The following DNAJC13 variants were observed in gnomAD, a reference collection of about 807,000 sequenced individuals.
DNAJC13 encodes the protein dnaJ homolog subfamily C member 13.
In DNAJC13, 75 loss-of-function variants were observed where a neutral mutation model predicts 290.5. That is an observed-to-expected ratio of 0.26 (90% CI 0.21 to 0.31). DNAJC13 has a LOEUF of 0.31. Ranked by LOEUF, DNAJC13 falls within the 10% of genes least tolerant of loss-of-function variation. The pLI, the probability that DNAJC13 is intolerant of heterozygous loss-of-function variation, is 1.00. For synonymous variants in DNAJC13, 862 were observed against 892.0 expected, an observed-to-expected ratio of 0.97 and a Z score of 0.60; for missense variants, 2,260 against 2,674.5, an observed-to-expected ratio of 0.85 and a Z score of 3.42.
Position 132,528,319 on chromosome 3 carries a change from A to G in DNAJC13, c.6512A>G (p.Gln2171Arg), listed in dbSNP as rs908046357. 6 of 1,614,086 alleles carry G rather than the reference A, an allele frequency of 3.7e-6. No individual in the cohort carries two copies. The highest frequency in any genetic ancestry group is 4.2e-6 in the Non-Finnish European group (5 of 1,180,014). Residue 2171 changes from glutamine to arginine, a missense_variant, in exon 54 of 56, where the codon CAG becomes CGG. By Grantham distance (43) the Gln-to-Arg change is conservative (BLOSUM62 1). Around this residue, in one of 3 missense-constraint regions of DNAJC13, gnomAD observed 1,494 missense variants for 1,693.7 expected, o/e 0.88. Transcript: ENST00000260818. ...CTCAAGGCAATGACTCGAAGTTTGCAGTATGGAGAACAGGTGAGTCTGCAT... is the reference window on the plus strand; with the variant it reads ...CTCAAGGCAATGACTCGAAGTTTGCGGTATGGAGAACAGGTGAGTCTGCAT... ...KALKAMTRSL[Q>R]YGEQVNEILC...
intron 48 of DNAJC13, among the ~76,000 whole-genome samples, chr3:132,522,007 A>AT (rs1398324106): frequency 6.6e-6 from 1 of 152,176 alleles, no homozygotes; most frequent in Non-Finnish European, 1.5e-5. Context: ...AATTTGTAGT[A>AT]TATCTCTGGC....
chr3:132,515,300 A>G (rs965177470), intron 46 of DNAJC13, among the ~76,000 whole-genome samples: 4 of 152,158 alleles, frequency 2.6e-5, no homozygotes, highest in African/African-American at 9.6e-5. Flanking sequence ...GGCTTTGCCA[A>G]TCCCTTTGAA....
intron 2 of DNAJC13, among the ~76,000 whole-genome samples, chr3:132,438,419 A>G (rs182194826): frequency 1.8e-4 from 27 of 152,354 alleles, no homozygotes; most frequent in Admixed American, 1.2e-3. Flanking sequence ...TAAATGGCCA[A>G]CATTAAAATT....
chr3:132,477,979 A>G lies in DNAJC13; in HGVS notation c.2550-2A>G. The G allele has an allele frequency of 6.3e-7, 1 of 1,595,590 alleles. No homozygotes were observed. Among genetic ancestry groups the G allele is most frequent in the Non-Finnish European group, 8.5e-7 (1 of 1,175,250 alleles). ...TTGTGAACTTTTTTTTTTAAAATCTAGGTATGAATTTTTCAATGAGCTTTA... is the reference window on the plus strand; with the variant it reads ...TTGTGAACTTTTTTTTTTAAAATCTGGGTATGAATTTTTCAATGAGCTTTA... On this transcript the variant is annotated splice_acceptor_variant, in intron 23 of 55. Transcript: ENST00000260818. LOFTEE classifies it high-confidence loss of function.
intron 47 of DNAJC13, 39 bp from the exon 48 acceptor site, chr3:132,516,665 A>G (rs778749006): frequency 3.2e-6 from 5 of 1,571,780 alleles, no homozygotes; most frequent in Non-Finnish European, 4.3e-6. Context: ...TAGAAAAGTC[A>G]AATTCTTTAT....
chr3:132,456,900 C>A, intron 12 of DNAJC13, 68 bp downstream of exon 12: 1 of 1,507,100 alleles, frequency 6.6e-7, no homozygotes, highest in Non-Finnish European at 9.1e-7. Context: ...AAATAATGAA[C>A]GATTCACCTC....
intron 20 of DNAJC13, among the ~76,000 whole-genome samples, chr3:132,471,212 C>T (rs1207860985): frequency 7.4e-6 from 1 of 135,372 alleles, no homozygotes; most frequent in Non-Finnish European, 1.6e-5. Flanking sequence ...CACCCCTCAC[C>T]TCCCGGACGG....
At chr3:132,444,535 A>G (rs372486659) in intron 2 of DNAJC13, among the ~76,000 whole-genome samples, 18 of 152,350 alleles carry the variant, frequency 1.2e-4, no homozygotes, top group East Asian at 3.8e-4. Flanking sequence ...CATTTGGAAC[A>G]TTTCAGGCAT....
chr3:132,533,801 A>C (rs543161984), intron 55 of DNAJC13, among the ~76,000 whole-genome samples: 1 of 152,354 alleles, frequency 6.6e-6, no homozygotes, highest in South Asian at 2.1e-4. Context: ...TAAAAAACAT[A>C]TGTCCTTGAC....
chr3:132,496,609 A>G lies in DNAJC13; in HGVS notation c.4102A>G (p.Asn1368Asp). 6.2e-7 allele frequency: 1 copy of G among 1,611,306 alleles called. No homozygotes were observed. Among genetic ancestry groups the G allele is most frequent in the South Asian group, 1.1e-5 (1 of 90,506 alleles). ...AATAGTGGATGGGCCAGATCCAGAG[A>G]ATATAATTTTAATTCTAAAAACACA... ...AKIVDGPDPE[N>D]IILILKTQSI... The change falls in exon 36 of 56, where the codon AAT becomes GAT. Residue 1368 changes from asparagine to aspartate, a missense_variant. Coordinates refer to ENST00000260818, the MANE Select transcript of DNAJC13 (RefSeq NM_015268.4).
chr3:132,514,797 A>C, intron 46 of DNAJC13, 127 bp downstream of exon 46: 1 of 687,408 alleles, frequency 1.5e-6, no homozygotes, highest in Non-Finnish European at 2.5e-6. Flanking sequence ...TATTTACACT[A>C]GATTTGTCTT....
chr3:132,482,029 A>T (rs981808540), intron 26 of DNAJC13, among the ~76,000 whole-genome samples, 197 bp from the exon 27 acceptor site: 6 of 152,214 alleles, frequency 3.9e-5, no homozygotes, highest in Non-Finnish European at 7.3e-5. Context: ...ATTAATAAGG[A>T]AATAGTTTTT....
At chr3:132,432,097 C>G (rs1939254063) in intron 1 of DNAJC13, among the ~76,000 whole-genome samples, 1 of 152,094 alleles carries the variant, frequency 6.6e-6, no homozygotes, top group Non-Finnish European at 1.5e-5. Context: ...ACTTAGTATT[C>G]ACAGTATAAA....
At chr3:132,520,999 T>C (rs1936073075) in intron 48 of DNAJC13, among the ~76,000 whole-genome samples, 1 of 152,236 alleles carries the variant, frequency 6.6e-6, no homozygotes, top group African/African-American at 2.4e-5. Context: ...ATGAAATCTG[T>C]TAAGACATAT....
intron 42 of DNAJC13, 59 bp from the exon 43 acceptor site, chr3:132,507,178 A>T (rs1935620658): frequency 1.8e-6 from 2 of 1,113,814 alleles, no homozygotes; most frequent in African/African-American, 3.1e-5. Context: ...CTGTTAAGTT[A>T]TTAAACTGAA....
chr3:132,464,264 T>A (rs969544515), intron 17 of DNAJC13, among the ~76,000 whole-genome samples: 10 of 152,244 alleles, frequency 6.6e-5, no homozygotes, highest in African/African-American at 2.4e-4. Context: ...CAGCCTAAGC[T>A]AGACTTAACC....
In DNAJC13 at chr3:132,461,053, C is replaced by G. The variant is rs1450115096; in HGVS notation, c.1561C>G (p.His521Asp). The stretch of plus-strand genomic sequence containing the variant: ...AGAATCTGTTGCATTGTTTCAGGAT[C>G]ATGGGACTGGTGCCCTAGTTATTAG... ...LLEKFNSHVD[H>D]GTGALVISSL... The change falls in exon 15 of 56, where the codon CAT becomes GAT. Residue 521 changes from histidine (H) to aspartate (D), a missense_variant. Around this residue, in one of 3 missense-constraint regions of DNAJC13, gnomAD observed 762 missense variants for 964.1 expected, o/e 0.79. Coordinates refer to ENST00000260818, the MANE Select transcript of DNAJC13 (RefSeq NM_015268.4). 9 of 1,613,638 alleles carry G rather than the reference C, an allele frequency of 5.6e-6. No homozygotes were observed. Among genetic ancestry groups the G allele is most frequent in the Middle Eastern group, 1.6e-4 (1 of 6,080 alleles).
chr3:132,512,016 C>T (rs1001116884), intron 44 of DNAJC13, among the ~76,000 whole-genome samples: 5 of 152,030 alleles, frequency 3.3e-5, no homozygotes, highest in Admixed American at 1.3e-4. Flanking sequence ...GGGAAAATTA[C>T]GCATTTACAA....
chr3:132,515,073 G>T (rs6803778), intron 46 of DNAJC13, among the ~76,000 whole-genome samples: 76,205 of 151,996 alleles, frequency 0.5, 22,408 homozygotes, highest in African/African-American at 0.8. Flanking sequence ...TTGCTGATTT[G>T]ATATTAATAA....
Sources: gnomAD v4.1 joint callset for allele counts (sites outside exome capture counted in the v4.1 genomes callset) on GRCh38, gnomAD v4.1.1 for gene constraint, gnomAD v4.1.1 regional missense constraint, MANE v1.5 for transcripts, NCBI Gene and HGNC (gene_info 2026-07-23, HGNC 2026-07-21) for gene names.